Variants in MMP16 observed in about 807,000 individuals in gnomAD.
MMP16 encodes the protein matrix metalloproteinase-16.
Under a neutral mutation model 67.8 loss-of-function variants are expected in MMP16, and 12 were observed. The ratio of observed to expected loss-of-function variants is 0.18; its 90% confidence interval spans 0.11 to 0.29. MMP16 has a LOEUF of 0.29. Among genes scored for constraint, MMP16 ranks in the 10% least tolerant of loss-of-function variants. The probability of loss-of-function intolerance (pLI) is 1.00; values close to 1 mark genes in which losing one functional copy is unlikely to be tolerated. For missense variants in MMP16, 475 were observed against 765.7 expected, an observed-to-expected ratio of 0.62 and a Z score of 4.48; for synonymous variants, 249 against 255.9, an observed-to-expected ratio of 0.97 and a Z score of 0.26.
At chr8:88,238,585 G>A (rs943745333) in intron 1 of MMP16, among the ~76,000 whole-genome samples, 1 of 146,206 alleles carries the variant, frequency 6.8e-6, no homozygotes, top group Non-Finnish European at 1.5e-5. Context: ...AGAATCGCTT[G>A]AACACAGGAG....
chr8:88,134,737 C>A (rs956069097), intron 4 of MMP16, among the ~76,000 whole-genome samples: 1 of 151,524 alleles, frequency 6.6e-6, no homozygotes, highest in South Asian at 2.1e-4. Flanking sequence ...TTGTACCCAT[C>A]CCTTATTTTT....
At position 88,204,040 on chromosome 8, in the gene MMP16, C is replaced by G. The variant is rs189632757; in HGVS notation, c.133-6734G>C. ...ATGTTTGGAAATGTTTCTATCATCA[C>G]ATGACATTACACTCAGAAAGACAGA... On this transcript the variant is annotated intron_variant, in intron 1 of 9. Transcript: ENST00000286614. 2.6e-5 allele frequency among the ~76,000 whole-genome samples: 4 copies of G among 152,320 alleles called. No homozygotes were observed. In the East Asian group the frequency reaches 7.7e-4, roughly 29 times the overall value.
intron 1 of MMP16, among the ~76,000 whole-genome samples, chr8:88,320,660 A>G (rs539377787): frequency 1.3e-5 from 2 of 152,180 alleles, no homozygotes; most frequent in South Asian, 4.1e-4. Flanking sequence ...ACAATTGGCT[A>G]TGATTCATTT....
chr8:88,155,039 C>G (rs1316184702), intron 4 of MMP16, among the ~76,000 whole-genome samples: 1 of 151,988 alleles, frequency 6.6e-6, no homozygotes. Context: ...GCATGATCAA[C>G]AAAATGTTTG....
At chr8:88,052,369 T>A (rs1464896023) in intron 8 of MMP16, among the ~76,000 whole-genome samples, 1 of 152,126 alleles carries the variant, frequency 6.6e-6, no homozygotes, top group African/African-American at 2.4e-5. Context: ...ATCCAAGCCC[T>A]GAGGACAACT....
At chr8:88,243,875 C>T (rs1380108137) in intron 1 of MMP16, among the ~76,000 whole-genome samples, 1 of 152,078 alleles carries the variant, frequency 6.6e-6, no homozygotes, top group Non-Finnish European at 1.5e-5. Flanking sequence ...TTACAAAGTT[C>T]TGGTTGCCAG....
At chr8:88,224,072 G>C (rs1309350080) in intron 1 of MMP16, among the ~76,000 whole-genome samples, 1 of 151,950 alleles carries the variant, frequency 6.6e-6, no homozygotes, top group Non-Finnish European at 1.5e-5. Context: ...AGGTTGCATT[G>C]TAGGGGCCTC....
chr8:88,233,370 G>A (rs1315238455), intron 1 of MMP16, among the ~76,000 whole-genome samples: 1 of 152,016 alleles, frequency 6.6e-6, no homozygotes, highest in Non-Finnish European at 1.5e-5. Context: ...CCAAGCTGAG[G>A]TCAAACCAGA....
chr8:88,161,190 G>GT (rs1191914868), intron 4 of MMP16, among the ~76,000 whole-genome samples: 1 of 152,092 alleles, frequency 6.6e-6, no homozygotes, highest in Non-Finnish European at 1.5e-5. Flanking sequence ...AGTTTTTTTG[G>GT]TTGGTAGGCT....
intron 4 of MMP16, among the ~76,000 whole-genome samples, chr8:88,152,328 A>T (rs1220300672): frequency 8.0e-6 from 1 of 124,378 alleles, no homozygotes; most frequent in African/African-American, 3.2e-5. Context: ...TATTCCAATC[A>T]ATAGAAAAAG....
At chr8:88,318,266 C>T (rs1371184527) in intron 1 of MMP16, among the ~76,000 whole-genome samples, 1 of 152,114 alleles carries the variant, frequency 6.6e-6, no homozygotes, top group Non-Finnish European at 1.5e-5. Context: ...AAATAAAATA[C>T]TACAATTTAA....
Position 88,272,715 on chromosome 8 carries a change from G to C in MMP16, c.132+54360C>G, listed in dbSNP as rs183294743. ...ACAATTGTGAAACCTATGTTGAAAAGGTTGGCAGGAGAGGAATTTTCAAAA... is the reference window on the plus strand; with the variant it reads ...ACAATTGTGAAACCTATGTTGAAAACGTTGGCAGGAGAGGAATTTTCAAAA... On this transcript the variant is annotated intron_variant, in intron 1 of 9. Coordinates refer to ENST00000286614, the MANE Select transcript of MMP16 (RefSeq NM_005941.5). 2.4e-3 allele frequency among the ~76,000 whole-genome samples: 360 copies of C among 152,274 alleles called. 2 individuals carry two copies. In the Middle Eastern group the frequency reaches 0.027, roughly 12 times the overall value.
In MMP16 at chr8:88,056,175, G is replaced by A; in HGVS notation, c.1326C>T (p.Ala442=). The part of the protein sequence containing the change: ...SGIPPHGIDS[A]IWWEDVGKTY... ...TTTTCCCGACGTCCTCCCACCAAATGGCTGAATCAATACCATGAGGGGGAA... is the reference window on the plus strand; with the variant it reads ...TTTTCCCGACGTCCTCCCACCAAATAGCTGAATCAATACCATGAGGGGGAA... Residue 442 remains alanine, a synonymous_variant, in exon 8 of 10, where the codon GCC becomes GCT. Transcript: ENST00000286614. 6.3e-7 allele frequency: 1 copy of A among 1,593,012 alleles called. No individual in the cohort carries two copies. The highest frequency in any genetic ancestry group is 8.6e-7 in the Non-Finnish European group (1 of 1,168,138).
intron 1 of MMP16, among the ~76,000 whole-genome samples, chr8:88,301,432 C>T (rs1811097779): frequency 6.6e-6 from 1 of 152,272 alleles, no homozygotes; most frequent in Middle Eastern, 3.4e-3. Context: ...TTTAATATCT[C>T]TGTGACTTAT....
chr8:88,113,221 A>C (rs1310983794), intron 6 of MMP16, among the ~76,000 whole-genome samples: 2 of 151,826 alleles, frequency 1.3e-5, no homozygotes, highest in South Asian at 2.1e-4. Context: ...TTAATAACAC[A>C]CTAACTGAAT....
At chr8:88,133,985 A>T (rs1384382722) in intron 4 of MMP16, among the ~76,000 whole-genome samples, 1 of 151,834 alleles carries the variant, frequency 6.6e-6, no homozygotes, top group East Asian at 1.9e-4. Flanking sequence ...TCTGTTGTAA[A>T]TAAAATGGAA....
chr8:88,316,719 A>G lies in MMP16; in HGVS notation c.132+10356T>C, dbSNP rs138342134. ...TTTGCAGCCCATGGATCAAAGAGTA[A>G]TTTCAAGTCTCAAGTCTCATTATAT... On this transcript the variant is annotated intron_variant, in intron 1 of 9. Transcript: ENST00000286614. 5.7e-3 allele frequency among the ~76,000 whole-genome samples: 871 copies of G among 152,280 alleles called. 6 individuals carry two copies. The highest frequency in any genetic ancestry group is 0.01 in the Middle Eastern group (3 of 292).
At chr8:88,100,288 C>T (rs980846909) in intron 6 of MMP16, among the ~76,000 whole-genome samples, 2 of 151,828 alleles carry the variant, frequency 1.3e-5, no homozygotes, top group Admixed American at 6.6e-5. Flanking sequence ...AAGAAAAAAA[C>T]AAACAACCCC....
intron 7 of MMP16, among the ~76,000 whole-genome samples, chr8:88,072,199 A>G (rs1808568856): frequency 6.6e-6 from 1 of 151,970 alleles, no homozygotes; most frequent in African/African-American, 2.4e-5. Context: ...AAGGGCTATA[A>G]AGAGAGAGAG....
Sources: gnomAD v4.1 joint callset for allele counts (sites outside exome capture counted in the v4.1 genomes callset) on GRCh38, gnomAD v4.1.1 for gene constraint, MANE v1.5 for transcripts, NCBI Gene and HGNC (gene_info 2026-07-23, HGNC 2026-07-21) for gene names.